STXBP6: variants seen among roughly 807,000 people sequenced by gnomAD.
STXBP6 encodes the protein syntaxin binding protein 6.
In STXBP6, 21 loss-of-function variants were observed where a neutral mutation model predicts 26.9. The observed-to-expected ratio is 0.78, with a 90% confidence interval of 0.55 to 1.12. The LOEUF (loss-of-function observed/expected upper bound fraction) is 1.12, where lower values mean the gene tolerates loss of function less well. Ranked by LOEUF, STXBP6 falls within the 50% of genes most tolerant of loss-of-function variation. The probability of loss-of-function intolerance (pLI) is 0.00; values close to 1 mark genes in which losing one functional copy is unlikely to be tolerated. For missense variants in STXBP6, 232 were observed against 257.9 expected (o/e 0.90, Z 0.69); for synonymous variants, 97 against 92.6 (o/e 1.05, Z -0.27).
At chr14:24,882,231 T>C (rs2070386768) in intron 2 of STXBP6, among the ~76,000 whole-genome samples, 3 of 148,990 alleles carry the variant, frequency 2.0e-5, no homozygotes, top group Admixed American at 6.7e-5. Context: ...TACAAAAAAT[T>C]AGCCGGGCGT....
chr14:24,989,476 T>C (rs1289853465), intron 1 of STXBP6, among the ~76,000 whole-genome samples: 3 of 152,192 alleles, frequency 2.0e-5, no homozygotes, highest in Non-Finnish European at 4.4e-5. Flanking sequence ...AAGCCAAATA[T>C]TCATATCACA....
intron 2 of STXBP6, among the ~76,000 whole-genome samples, 164 bp from the exon 3 acceptor site, chr14:24,857,321 G>A (rs2069373759): frequency 6.6e-6 from 1 of 152,096 alleles, no homozygotes; most frequent in Non-Finnish European, 1.5e-5. Context: ...CCTTTGGTCA[G>A]GGGTGAACGT....
chr14:24,888,735 AAAG>A (rs1402357023), intron 2 of STXBP6, among the ~76,000 whole-genome samples: 1 of 152,028 alleles, frequency 6.6e-6, no homozygotes, highest in Non-Finnish European at 1.5e-5. Flanking sequence ...AAAAAAAAAA[AAAG>A]AATGGTTCAA....
At chr14:24,995,773 C>A (rs2074586000) in intron 1 of STXBP6, among the ~76,000 whole-genome samples, 1 of 152,060 alleles carries the variant, frequency 6.6e-6, no homozygotes, top group Non-Finnish European at 1.5e-5. Flanking sequence ...TAACTAAATA[C>A]CCTTGAATGT....
At chr14:25,008,647 A>C (rs1305240171) in intron 1 of STXBP6, among the ~76,000 whole-genome samples, 1 of 152,236 alleles carries the variant, frequency 6.6e-6, no homozygotes, top group Non-Finnish European at 1.5e-5. Context: ...ATTGGCAACA[A>C]TAATTCCTCT....
At chr14:25,007,849 A>C (rs2074938507) in intron 1 of STXBP6, among the ~76,000 whole-genome samples, 1 of 152,204 alleles carries the variant, frequency 6.6e-6, no homozygotes, top group African/African-American at 2.4e-5. Flanking sequence ...TTTTTGTACT[A>C]AACACAAGGT....
At chr14:24,865,115 A>G (rs887530534) in intron 2 of STXBP6, among the ~76,000 whole-genome samples, 1 of 152,134 alleles carries the variant, frequency 6.6e-6, no homozygotes, top group African/African-American at 2.4e-5. Flanking sequence ...AAAGCTGAAC[A>G]TGTACATATT....
intron 1 of STXBP6, among the ~76,000 whole-genome samples, chr14:25,035,955 C>T (rs1042304161): frequency 6.6e-6 from 1 of 152,102 alleles, no homozygotes; most frequent in Non-Finnish European, 1.5e-5. Context: ...CGGTGGCTCA[C>T]GCCTGTAATC....
chr14:25,036,748 C>G (rs900237088), intron 1 of STXBP6, among the ~76,000 whole-genome samples: 9 of 149,752 alleles, frequency 6.0e-5, no homozygotes, highest in African/African-American at 2.0e-4. Context: ...CCCAGCTACT[C>G]AGGAGGCTGA....
intron 1 of STXBP6, among the ~76,000 whole-genome samples, chr14:24,986,982 T>C (rs1200374667): frequency 6.6e-6 from 1 of 152,214 alleles, no homozygotes; most frequent in Non-Finnish European, 1.5e-5. Flanking sequence ...AATTCCTCTG[T>C]CATTCAATGT....
chr14:24,961,207 C>G (rs1277775273), intron 2 of STXBP6, among the ~76,000 whole-genome samples: 1 of 151,926 alleles, frequency 6.6e-6, no homozygotes, highest in African/African-American at 2.4e-5. Flanking sequence ...TAAGTGGGAG[C>G]TAAATGACAA....
At chr14:24,944,962 T>C (rs1460587443) in intron 2 of STXBP6, among the ~76,000 whole-genome samples, 4 of 152,026 alleles carry the variant, frequency 2.6e-5, no homozygotes, top group Non-Finnish European at 5.9e-5. Flanking sequence ...GTACTTCCTG[T>C]TGGCAACATG....
intron 4 of STXBP6, among the ~76,000 whole-genome samples, chr14:24,839,505 C>T (rs905214267): frequency 2.1e-5 from 3 of 142,270 alleles, no homozygotes; most frequent in Admixed American, 6.8e-5. Context: ...TTATACCCTA[C>T]GTCTTGAAAA....
chr14:24,903,641 A>G (rs746417900), intron 2 of STXBP6, among the ~76,000 whole-genome samples: 2 of 152,202 alleles, frequency 1.3e-5, no homozygotes, highest in Non-Finnish European at 2.9e-5. Flanking sequence ...ACATTTTGCC[A>G]TTGTCAAAAA....
intron 1 of STXBP6, among the ~76,000 whole-genome samples, chr14:25,007,980 C>T (rs1340848368): frequency 6.6e-6 from 1 of 152,128 alleles, no homozygotes; most frequent in Non-Finnish European, 1.5e-5. Context: ...CATCTGCAGG[C>T]CTGGCTCACT....
At chr14:24,843,765 GACAAGATTTATAAACA>G (rs1195482603) in intron 4 of STXBP6, among the ~76,000 whole-genome samples, 1 of 152,158 alleles carries the variant, frequency 6.6e-6, no homozygotes, top group African/African-American at 2.4e-5. Context: ...CTACCAGGAA[GACAAGATTTATAAACA>G]ACATGTGACA....
At chr14:24,867,896 T>G (rs183764576) in intron 2 of STXBP6, among the ~76,000 whole-genome samples, 1 of 152,178 alleles carries the variant, frequency 6.6e-6, no homozygotes, top group Admixed American at 6.5e-5. Context: ...TTGCAAATCA[T>G]ATCTGATAAA....
chr14:24,842,376 C>G (rs1212088131), intron 4 of STXBP6, among the ~76,000 whole-genome samples: 1 of 152,200 alleles, frequency 6.6e-6, no homozygotes, highest in Admixed American at 6.5e-5. Flanking sequence ...CCTTCCAGAC[C>G]TGGAATCCAG....
At chr14:24,958,612 T>TA (rs552900452) in intron 2 of STXBP6, among the ~76,000 whole-genome samples, 61 of 152,272 alleles carry the variant, frequency 4.0e-4, no homozygotes, top group African/African-American at 1.4e-3. Context: ...ACAGTAATTT[T>TA]AAAAAAACAC....
Sources: allele counts gnomAD v4.1 joint callset (sites outside exome capture counted in the v4.1 genomes callset), GRCh38; gene constraint gnomAD v4.1.1; transcripts MANE v1.5; gene names NCBI Gene and HGNC (gene_info 2026-07-23, HGNC 2026-07-21).